The following SLC36A1 variants were observed in gnomAD, a reference collection of about 807,000 sequenced individuals.
SLC36A1 encodes solute carrier family 36 member 1, also known as proton-coupled amino acid transporter 1.
SLC36A1 carries 30 observed loss-of-function variants against 47.5 expected under a neutral mutation model. That is an observed-to-expected ratio of 0.63 (90% CI 0.47 to 0.86). The LOEUF (loss-of-function observed/expected upper bound fraction) is 0.86. Among genes scored for constraint, SLC36A1 ranks in the 40% least tolerant of loss-of-function variants. SLC36A1 has a pLI of 0.00. For missense variants in SLC36A1, 517 were observed against 606.0 expected (o/e 0.85, Z 1.54); for synonymous variants, 255 against 249.7 (o/e 1.02, Z -0.20).
chr5:151,465,636 G>A (rs1756238372), intron 5 of SLC36A1, among the ~76,000 whole-genome samples: 1 of 152,176 alleles, frequency 6.6e-6, no homozygotes, highest in Non-Finnish European at 1.5e-5. Flanking sequence ...TAAGAGACCA[G>A]TAGTGGGAGA....
In SLC36A1 at chr5:151,488,382, T is replaced by TG; in HGVS notation, c.*130dup. On this transcript the variant is annotated 3_prime_UTR_variant, in exon 11 of 11. Transcript: ENST00000243389. ...GTTGCTGTGTGGGAACCCCTCTGCCTGGCACCTGGATACCCTGGGCCAGGT... is the reference window on the plus strand; with the variant it reads ...GTTGCTGTGTGGGAACCCCTCTGCCTGGGCACCTGGATACCCTGGGCCAGGT... 1.6e-6 allele frequency: 2 copies of TG among 1,250,534 alleles called. No individual in the cohort carries two copies. Among genetic ancestry groups the TG allele is most frequent in the Non-Finnish European group, 2.2e-6 (2 of 913,878 alleles). The allele number at this position is 1,250,534 out of a possible 1,614,324, so 77.5% of individuals were successfully genotyped here.
chr5:151,542,698 A>G, the SLC36A1 span: 21 of 1,614,110 alleles, frequency 1.3e-5, no homozygotes, highest in African/African-American at 1.7e-4. Context: ...CCCCACTGGC[A>G]TATTCTCAGT....
At chr5:151,472,178 G>T (rs188934744) in intron 7 of SLC36A1, among the ~76,000 whole-genome samples, 2 of 152,354 alleles carry the variant, frequency 1.3e-5, no homozygotes, top group Non-Finnish European at 2.9e-5. Context: ...CCGTCTGCAG[G>T]CTGAGGAGCA....
At chr5:151,430,623 C>G in the SLC36A1 span, among the ~76,000 whole-genome samples, 7 of 152,132 alleles carry the variant, frequency 4.6e-5, no homozygotes, top group Non-Finnish European at 1.0e-4. Flanking sequence ...CGTGCCTGTC[C>G]GTAGAATTAG....
rs558988835 is a variant in SLC36A1, at chr5:151,458,090, C to T, written c.-5-698C>T. ...CTTGAACTCCGGACCTCAGGTGATCCGCCCGCCTTGGCCTCCCAAAGTGCT... is the reference window on the plus strand; with the variant it reads ...CTTGAACTCCGGACCTCAGGTGATCTGCCCGCCTTGGCCTCCCAAAGTGCT... On this transcript the variant is annotated intron_variant, in intron 1 of 10. Transcript: ENST00000243389. 3.3e-3 allele frequency among the ~76,000 whole-genome samples: 506 copies of T among 151,670 alleles called. 4 individuals carry two copies. The highest frequency in any genetic ancestry group is 0.012 in the African/African-American group (486 of 41,388).
At chr5:151,538,049 C>G in the SLC36A1 span, 1 of 970,296 alleles carries the variant, frequency 1.0e-6, no homozygotes, top group Non-Finnish European at 1.5e-6. Flanking sequence ...GAAAGAGAGA[C>G]ACTAAGAGGG....
At chr5:151,535,207 G>A in the SLC36A1 span, among the ~76,000 whole-genome samples, 2 of 151,750 alleles carry the variant, frequency 1.3e-5, no homozygotes, top group East Asian at 1.9e-4. Context: ...GCTCCTGCCC[G>A]TAACTCCCAC....
chr5:151,421,174 C>CTCCCT, the SLC36A1 span, among the ~76,000 whole-genome samples: 2 of 138,804 alleles, frequency 1.4e-5, no homozygotes, highest in Admixed American at 7.1e-5. Context: ...CGCCCTTTCT[C>CTCCCT]TCCTTCCTTC....
intron 1 of SLC36A1, among the ~76,000 whole-genome samples, chr5:151,455,614 A>G (rs533290368): frequency 6.6e-6 from 1 of 152,268 alleles, no homozygotes; most frequent in South Asian, 2.1e-4. Context: ...CCTGTATTCC[A>G]TCCTTTCACC....
At chr5:151,430,219 C>A in the SLC36A1 span, among the ~76,000 whole-genome samples, 1 of 148,562 alleles carries the variant, frequency 6.7e-6, no homozygotes, top group Non-Finnish European at 1.5e-5. Context: ...GGCTGGAGTG[C>A]AGGGGCATGA....
the SLC36A1 span, among the ~76,000 whole-genome samples, chr5:151,372,864 A>G: frequency 1.3e-5 from 2 of 152,196 alleles, no homozygotes. Context: ...GAGTGAAAAA[A>G]CTAGAACATC....
chr5:151,530,093 A>T, the SLC36A1 span, among the ~76,000 whole-genome samples: 7 of 152,222 alleles, frequency 4.6e-5, no homozygotes, highest in African/African-American at 1.7e-4. Context: ...GAAAAGGTAT[A>T]TCTATCTAGG....
At chr5:151,439,763 C>T (rs1752514970) in intron 1 of SLC36A1, among the ~76,000 whole-genome samples, 2 of 151,952 alleles carry the variant, frequency 1.3e-5, no homozygotes, top group African/African-American at 4.8e-5. Flanking sequence ...TTCCTATGTA[C>T]TTGAGCTGAT....
the SLC36A1 span, among the ~76,000 whole-genome samples, chr5:151,551,299 T>C: frequency 6.6e-6 from 1 of 152,146 alleles, no homozygotes; most frequent in Non-Finnish European, 1.5e-5. Context: ...GGAGAAAGAA[T>C]TCTCCCAGGA....
chr5:151,400,212 T>C, the SLC36A1 span, among the ~76,000 whole-genome samples: 3 of 152,174 alleles, frequency 2.0e-5, no homozygotes, highest in East Asian at 3.8e-4. Flanking sequence ...TTTATGTCCA[T>C]GAGTACCCAA....
chr5:151,526,195 A>G, the SLC36A1 span, among the ~76,000 whole-genome samples: 2 of 152,198 alleles, frequency 1.3e-5, no homozygotes, highest in Non-Finnish European at 2.9e-5. Flanking sequence ...TTAGAAACAC[A>G]GCCCATTGGG....
intron 5 of SLC36A1, among the ~76,000 whole-genome samples, chr5:151,466,503 A>G (rs1419203319): frequency 6.6e-6 from 1 of 151,280 alleles, no homozygotes; most frequent in Admixed American, 6.5e-5. Flanking sequence ...GTAATGTTCC[A>G]TTTAAGAACG....
chr5:151,465,249 G>T, intron 5 of SLC36A1, 80 bp downstream of exon 5: 3 of 1,100,048 alleles, frequency 2.7e-6, no homozygotes, highest in Non-Finnish European at 4.2e-6. Context: ...GTGGGAGACA[G>T]TGTAAAGCGT....
rs1238346040 is a variant in SLC36A1, at chr5:151,488,417, G to T, written c.*163G>T. ...ATACCCTGGGCCAGGTAACCTGAGG[G>T]CAGGGGAGAGGTGGGGTGGCAGACA... is the stretch of plus-strand genomic sequence containing the variant. On this transcript the variant is annotated 3_prime_UTR_variant, in exon 11 of 11. Coordinates refer to ENST00000243389, the MANE Select transcript of SLC36A1 (RefSeq NM_078483.4). The T allele has an allele frequency of 3.4e-6, 3 of 889,310 alleles. No individual in the cohort carries two copies. In the Admixed American group the frequency reaches 8.8e-5, roughly 26 times the overall value. The allele number at this position is 889,310 out of a possible 1,614,324, so 55.1% of individuals were successfully genotyped here. A position where few individuals can be genotyped will look rare whatever the true frequency, so the allele number is the denominator to read the frequency against.
Sources: gnomAD v4.1 joint callset for allele counts (sites outside exome capture counted in the v4.1 genomes callset) on GRCh38, gnomAD v4.1.1 for gene constraint, MANE v1.5 for transcripts, NCBI Gene and HGNC (gene_info 2026-07-23, HGNC 2026-07-21) for gene names.